Variants in FHIT observed in about 807,000 individuals in gnomAD.
FHIT encodes fragile histidine triad diadenosine triphosphatase.
Under a neutral mutation model 17.9 loss-of-function variants are expected in FHIT, and 19 were observed. That is an observed-to-expected ratio of 1.06 (90% CI 0.74 to 1.56). The LOEUF is 1.56. Among genes scored for constraint, FHIT ranks in the 40% most tolerant of loss-of-function variants. The probability of loss-of-function intolerance (pLI) is 0.00; values close to 1 mark genes in which losing one functional copy is unlikely to be tolerated. For synonymous variants in FHIT, 81 were observed against 69.7 expected (o/e 1.16, Z -0.81); for missense variants, 248 against 189.2 (o/e 1.31, Z -1.82).
intron 8 of FHIT, among the ~76,000 whole-genome samples, chr3:59,754,707 G>C (rs1248750061): frequency 1.3e-5 from 2 of 152,196 alleles, no homozygotes; most frequent in Non-Finnish European, 2.9e-5. Context: ...GTCTGTTATT[G>C]TCATATGCCT....
intron 5 of FHIT, among the ~76,000 whole-genome samples, chr3:60,165,377 A>T (rs1166574907): frequency 6.6e-6 from 1 of 152,204 alleles, no homozygotes; most frequent in Non-Finnish European, 1.5e-5. Flanking sequence ...TCATTTGGAA[A>T]GTGGTGAACT....
At chr3:59,832,301 G>T (rs1161915995) in intron 8 of FHIT, among the ~76,000 whole-genome samples, 6 of 152,114 alleles carry the variant, frequency 3.9e-5, no homozygotes, top group Non-Finnish European at 8.8e-5. Context: ...CAACCATTGA[G>T]TCACAGCCTG....
intron 4 of FHIT, among the ~76,000 whole-genome samples, chr3:60,595,452 G>A (rs1364166730): frequency 6.6e-6 from 1 of 150,590 alleles, no homozygotes; most frequent in Non-Finnish European, 1.5e-5. Flanking sequence ...GGATCACCAA[G>A]CATTTCTGTC....
chr3:59,787,089 T>C (rs7616694), intron 8 of FHIT, among the ~76,000 whole-genome samples: 76,038 of 152,048 alleles, frequency 0.5, 19,304 homozygotes, highest in Middle Eastern at 0.54. Flanking sequence ...ATGTGTTAGG[T>C]ATTTTGCCTT....
chr3:60,730,272 G>C, intron 4 of FHIT: 1 of 263,936 alleles, frequency 3.8e-6, no homozygotes, highest in South Asian at 5.4e-5. Flanking sequence ...CTTCTAGTTT[G>C]TTCTGGTGAG....
At chr3:60,097,772 G>C (rs1046528467) in intron 5 of FHIT, among the ~76,000 whole-genome samples, 3 of 149,894 alleles carry the variant, frequency 2.0e-5, no homozygotes, top group Non-Finnish European at 3.0e-5. Flanking sequence ...GTGCAGGTTT[G>C]TTACATATGT....
chr3:60,018,468 C>T (rs1700428875), intron 5 of FHIT, among the ~76,000 whole-genome samples: 1 of 152,248 alleles, frequency 6.6e-6, no homozygotes, highest in East Asian at 1.9e-4. Context: ...GATTATTGCT[C>T]TCTTGGAAGC....
At chr3:61,016,880 C>T (rs1029793107) in intron 3 of FHIT, among the ~76,000 whole-genome samples, 7 of 152,206 alleles carry the variant, frequency 4.6e-5, no homozygotes, top group African/African-American at 1.7e-4. Context: ...ACAGAAATAA[C>T]AAAATGGGTG....
At chr3:60,929,578 AGAGC>A (rs1406922280) in intron 3 of FHIT, among the ~76,000 whole-genome samples, 1 of 152,186 alleles carries the variant, frequency 6.6e-6, no homozygotes, top group Non-Finnish European at 1.5e-5. Flanking sequence ...AAAGACAAAC[AGAGC>A]GCCAAATCAT....
chr3:60,923,371 A>T (rs957724430), intron 3 of FHIT, among the ~76,000 whole-genome samples: 1 of 152,188 alleles, frequency 6.6e-6, no homozygotes, highest in Non-Finnish European at 1.5e-5. Flanking sequence ...ATTTCCCTGT[A>T]GGTAATATGA....
chr3:61,053,104 C>T (rs967461985), intron 2 of FHIT, among the ~76,000 whole-genome samples: 3 of 152,116 alleles, frequency 2.0e-5, no homozygotes, highest in African/African-American at 4.8e-5. Flanking sequence ...CAGGTGCCCC[C>T]GCCTCCCATC....
chr3:60,645,498 C>T (rs1398970369), intron 4 of FHIT, among the ~76,000 whole-genome samples: 1 of 152,170 alleles, frequency 6.6e-6, no homozygotes, highest in African/African-American at 2.4e-5. Flanking sequence ...ATAGTACACT[C>T]TACTTTTTCT....
rs192833516 is a variant in FHIT at position 60,250,567 on chromosome 3, C to G, written c.104-236415G>C. Among the ~76,000 whole-genome samples, 218 of 152,232 alleles carry G rather than the reference C, an allele frequency of 1.4e-3. 1 individual carries two copies. The highest frequency in any genetic ancestry group is 3.4e-3 in the Middle Eastern group (1 of 294). ...CAGCGGGTATTGATATAATTAGGGT[C>G]AATTACAATTTAGAATTTCCAGGGC... On this transcript the variant is annotated intron_variant, in intron 5 of 9. Transcript: ENST00000492590.
chr3:59,860,525 AC>A (rs1702361091), intron 8 of FHIT, among the ~76,000 whole-genome samples: 1 of 152,174 alleles, frequency 6.6e-6, no homozygotes, highest in African/African-American at 2.4e-5. Flanking sequence ...CCAAATCACC[AC>A]CCATAACATC....
chr3:59,874,773 C>A (rs1238644198), intron 8 of FHIT, among the ~76,000 whole-genome samples: 1 of 152,058 alleles, frequency 6.6e-6, no homozygotes, highest in African/African-American at 2.4e-5. Flanking sequence ...AAGAACCAGA[C>A]AGACCTTGCC....
chr3:61,093,230 A>C (rs1002205984), intron 2 of FHIT, among the ~76,000 whole-genome samples: 29 of 152,224 alleles, frequency 1.9e-4, no homozygotes, highest in African/African-American at 7.0e-4. Context: ...ATAAACGTTT[A>C]TAATTCTATG....
At chr3:61,233,756 T>C (rs1201304216) in intron 1 of FHIT, among the ~76,000 whole-genome samples, 1 of 152,124 alleles carries the variant, frequency 6.6e-6, no homozygotes, top group Non-Finnish European at 1.5e-5. Flanking sequence ...CAAGAATGTG[T>C]CTCATTCATC....
chr3:59,857,911 G>A (rs972283217), intron 8 of FHIT, among the ~76,000 whole-genome samples: 8 of 152,230 alleles, frequency 5.3e-5, no homozygotes, highest in East Asian at 1.9e-4. Flanking sequence ...GATACAGAAA[G>A]GTTTAGAGTA....
At chr3:59,755,589 C>T (rs536300493) in intron 8 of FHIT, among the ~76,000 whole-genome samples, 11 of 152,280 alleles carry the variant, frequency 7.2e-5, no homozygotes, top group Admixed American at 3.9e-4. Context: ...CAGGGGAGGG[C>T]GGTGACTACT....
Sources: gnomAD v4.1 joint callset for allele counts (sites outside exome capture counted in the v4.1 genomes callset) on GRCh38, gnomAD v4.1.1 for gene constraint, MANE v1.5 for transcripts, NCBI Gene and HGNC (gene_info 2026-07-23, HGNC 2026-07-21) for gene names.